The following SENP6 variants were observed in gnomAD, a reference collection of about 807,000 sequenced individuals.
The protein encoded by SENP6 is sentrin-specific protease 6.
In SENP6, 41 loss-of-function variants were observed where a neutral mutation model predicts 134.5. The ratio of observed to expected loss-of-function variants is 0.30; its 90% CI spans 0.24 to 0.40. The LOEUF (loss-of-function observed/expected upper bound fraction) is 0.40, where lower values mean the gene tolerates loss of function less well. Ranked by LOEUF, SENP6 falls within the 10% of genes least tolerant of loss-of-function variation. SENP6 has a pLI of 1.00. For missense variants in SENP6, 1,248 were observed against 1,312.5 expected, an observed-to-expected ratio of 0.95 and a Z score of 0.76; for synonymous variants, 395 against 429.8, an observed-to-expected ratio of 0.92 and a Z score of 1.00.
intron 1 of SENP6, among the ~76,000 whole-genome samples, chr6:75,617,309 TG>T (rs770330411): frequency 4.8e-5 from 7 of 146,150 alleles, no homozygotes; most frequent in Non-Finnish European, 1.1e-4. Flanking sequence ...GTTTCGCTCT[TG>T]TTGCCCAGGC....
chr6:75,676,078 A>G, intron 13 of SENP6, 24 bp downstream of exon 13: 1 of 1,402,750 alleles, frequency 7.1e-7, no homozygotes, highest in Non-Finnish European at 9.6e-7. Flanking sequence ...AACAGATTAT[A>G]ATAGATAATA....
Position 75,659,290 on chromosome 6 carries a change from C to A in SENP6, c.579C>A (p.Ser193=). 6.2e-7 allele frequency: 1 copy of A among 1,611,858 alleles called. No homozygotes were observed. Among genetic ancestry groups the A allele is most frequent in the Non-Finnish European group, 8.5e-7 (1 of 1,178,774 alleles). ...GTATAATGAAGAAAACAGAAGAGTC[C>A]GAATCACAAGTGGAGCCTGAAATTA... The part of the protein sequence containing the change: ...VERIMKKTEE[S]ESQVEPEIKR... Residue 193 remains serine, a synonymous_variant, in exon 8 of 24, where the codon TCC becomes TCA. Transcript: ENST00000447266.
At chr6:75,684,507 C>T (rs1420011921) in intron 16 of SENP6, among the ~76,000 whole-genome samples, 1 of 152,060 alleles carries the variant, frequency 6.6e-6, no homozygotes, top group Non-Finnish European at 1.5e-5. Context: ...CAGTTTTTGC[C>T]CATTCAGGAT....
intron 1 of SENP6, chr6:75,611,345 G>T (rs1274550544): frequency 6.6e-6 from 1 of 152,212 alleles, no homozygotes; most frequent in Non-Finnish European, 1.5e-5. Context: ...CATAATAGCA[G>T]TTAAGTCTGA....
rs1451896747 is a variant in SENP6, at chr6:75,717,729, CAG to C, written c.*2137_*2138del. The C allele has an allele frequency of 6.6e-6, 1 of 152,118 alleles. No homozygotes were observed. The highest frequency in any genetic ancestry group is 2.4e-5 in the African/African-American group (1 of 41,444). The allele number at this position is 152,118 out of a possible 1,614,324, so 9.4% of individuals were successfully genotyped here. A position where few individuals can be genotyped will look rare whatever the true frequency, so the allele number is the denominator to read the frequency against. On this transcript the variant is annotated 3_prime_UTR_variant, in exon 24 of 24. Transcript: ENST00000447266. Reference sequence around the variant, plus strand: ...TTATTAGTACTTAGAAGTTGTAAAACAGAACTTATAGAGGTTTGTTACTAGAC... The same window carrying C: ...TTATTAGTACTTAGAAGTTGTAAAACAACTTATAGAGGTTTGTTACTAGAC...
chr6:75,700,878 G>A (rs1394551133), intron 18 of SENP6, among the ~76,000 whole-genome samples: 1 of 152,246 alleles, frequency 6.6e-6, no homozygotes, highest in Non-Finnish European at 1.5e-5. Context: ...AATTAGCTAT[G>A]TGTTAGAAGT....
At chr6:75,708,623 G>A (rs890663159) in intron 19 of SENP6, among the ~76,000 whole-genome samples, 6 of 152,128 alleles carry the variant, frequency 3.9e-5, no homozygotes, top group Non-Finnish European at 7.4e-5. Context: ...GGCCAGGCAC[G>A]GTGGCTCATG....
chr6:75,605,060 G>A (rs529155721), intron 1 of SENP6, among the ~76,000 whole-genome samples: 2 of 152,322 alleles, frequency 1.3e-5, no homozygotes, highest in South Asian at 2.1e-4. Context: ...GGCGAGGAGC[G>A]AAACTACATC....
chr6:75,652,691 A>AAAAAAAAAAAAAAAAAAG (rs1770977070), intron 7 of SENP6, among the ~76,000 whole-genome samples: 1 of 149,638 alleles, frequency 6.7e-6, no homozygotes, highest in Non-Finnish European at 1.5e-5. Flanking sequence ...CTCAAAAAAA[A>AAAAAAAAAAAAAAAAAAG]AAAAAAAAAA....
chr6:75,633,663 G>C lies in SENP6; in HGVS notation c.290G>C (p.Ser97Thr). 1 of 1,612,408 alleles carries C rather than the reference G, an allele frequency of 6.2e-7. No individual in the cohort carries two copies. The highest frequency in any genetic ancestry group is 8.5e-7 in the Non-Finnish European group (1 of 1,179,314). The change falls in exon 4 of 24, where the codon AGT becomes ACT. Residue 97 changes from serine to threonine, a missense_variant. By Grantham distance (58) the Ser-to-Thr change is moderately conservative (BLOSUM62 1). Around this residue, in one of 3 missense-constraint regions of SENP6, gnomAD observed 733 missense variants for 725.4 expected, o/e 1.01. Transcript: ENST00000447266. ...TATGTAAGACGAAACAAGTCTGAAA[G>C]TTTTAAAACTTTGAAAGGCAACCCA... ...KTYVRRNKSE[S>T]FKTLKGNPIG... is the part of the protein sequence containing the mutation.
intron 1 of SENP6, among the ~76,000 whole-genome samples, chr6:75,605,142 A>G (rs902199175): frequency 4.6e-5 from 7 of 152,200 alleles, no homozygotes; most frequent in African/African-American, 1.7e-4. Flanking sequence ...AGTGTTCAAA[A>G]TATTTCCCCA....
intron 19 of SENP6, among the ~76,000 whole-genome samples, chr6:75,705,722 A>G (rs1215235685): frequency 6.7e-6 from 1 of 149,088 alleles, no homozygotes; most frequent in Non-Finnish European, 1.5e-5. Context: ...CTGTGAATAG[A>G]TCTAATACAT....
rs771180086 is a variant in SENP6 at position 75,633,588 on chromosome 6, G to T, written c.215G>T (p.Arg72Leu). 1 of 1,591,416 alleles carries T rather than the reference G, an allele frequency of 6.3e-7. No homozygotes were observed. The highest frequency in any genetic ancestry group is 8.5e-7 in the Non-Finnish European group (1 of 1,172,642). Residue 72 changes from arginine to leucine, a missense_variant, in exon 4 of 24, where the codon CGT becomes CTT. Coordinates refer to ENST00000447266, the MANE Select transcript of SENP6 (RefSeq NM_015571.4). Reference sequence around the variant, plus strand: ...CTGGATCTTTTTTTACAGTTAAATCGTCGATCTGAAATTGTTGCTAATAGC... The same window carrying T: ...CTGGATCTTTTTTTACAGTTAAATCTTCGATCTGAAATTGTTGCTAATAGC... Reference protein sequence around the residue: ...SETSKGKKLNRRSEIVANSSG... With the variant: ...SETSKGKKLNLRSEIVANSSG...
At position 75,656,208 on chromosome 6, in the gene SENP6, C is replaced by T. The variant is rs529184356; in HGVS notation, c.551-3054C>T. On this transcript the variant is annotated intron_variant, in intron 7 of 23. Transcript: ENST00000447266. ...CAGCCTGGGCGACAGAGCAAGACTC[C>T]GTCTCAAAAAAAAAAAAAAAAAAAG... Among the ~76,000 whole-genome samples the T allele has an allele frequency of 7.2e-4, 41 of 57,322 alleles. No individual in the cohort carries two copies. In the South Asian group the frequency reaches 0.023, roughly 32 times the overall value. The allele number at this position is 57,322 out of a possible 152,430, so 37.6% of individuals were successfully genotyped here. A position where few individuals can be genotyped will look rare whatever the true frequency, so the allele number is the denominator to read the frequency against.
chr6:75,624,549 A>G (rs1470474816), intron 3 of SENP6, among the ~76,000 whole-genome samples: 1 of 152,088 alleles, frequency 6.6e-6, no homozygotes, highest in Non-Finnish European at 1.5e-5. Context: ...CATCCGTCAT[A>G]ATGTCTTCAA....
intron 8 of SENP6, among the ~76,000 whole-genome samples, chr6:75,662,584 T>G (rs1771870511): frequency 6.6e-6 from 1 of 152,228 alleles, no homozygotes; most frequent in Non-Finnish European, 1.5e-5. Context: ...CTAGTTTTTA[T>G]CATGAAAATT....
intron 12 of SENP6, 101 bp downstream of exon 12, chr6:75,675,569 GGTTA>G (rs758396914): frequency 6.6e-6 from 5 of 757,816 alleles, no homozygotes; most frequent in Non-Finnish European, 1.0e-5. Flanking sequence ...TTATTAAGAT[GGTTA>G]GTTGTTACAT....
intron 5 of SENP6, among the ~76,000 whole-genome samples, chr6:75,637,651 A>C (rs1252365923): frequency 6.6e-6 from 1 of 151,990 alleles, no homozygotes; most frequent in East Asian, 1.9e-4. Flanking sequence ...TTAAGTATAG[A>C]TAAAAAGACT....
intron 16 of SENP6, among the ~76,000 whole-genome samples, chr6:75,685,935 A>G (rs137902770): frequency 3.3e-3 from 499 of 152,178 alleles, no homozygotes; most frequent in Admixed American, 5.2e-3. Context: ...GCTGAGTTCA[A>G]TTCCTGGGTA....
Sources: gnomAD v4.1 joint callset for allele counts (sites outside exome capture counted in the v4.1 genomes callset) on GRCh38, gnomAD v4.1.1 for gene constraint, gnomAD v4.1.1 regional missense constraint, MANE v1.5 for transcripts, NCBI Gene and HGNC (gene_info 2026-07-23, HGNC 2026-07-21) for gene names.